Variants in COMMD10 observed in about 807,000 individuals in gnomAD.
The protein encoded by COMMD10 is COMM domain containing 10.
A neutral mutation model predicts 28.9 loss-of-function variants in COMMD10; 33 were observed. That is an observed-to-expected ratio of 1.14 (90% CI 0.87 to 1.53). COMMD10 has a LOEUF of 1.53. COMMD10 is among the 40% of genes most tolerant of loss of function. The pLI is 0.00. For synonymous variants in COMMD10, 110 were observed against 81.7 expected (o/e 1.35, Z -1.87); for missense variants, 310 against 233.4 (o/e 1.33, Z -2.14).
chr5:116,253,781 G>A (rs931896664), intron 5 of COMMD10, among the ~76,000 whole-genome samples: 37 of 148,404 alleles, frequency 2.5e-4, no homozygotes, highest in Admixed American at 6.7e-4. Flanking sequence ...GTCTTTGCCC[G>A]GCTTTGGTAT....
intron 5 of COMMD10, among the ~76,000 whole-genome samples, chr5:116,189,282 G>A (rs1166959773): frequency 1.3e-5 from 2 of 151,890 alleles, no homozygotes; most frequent in Non-Finnish European, 2.9e-5. Context: ...TCTTCTAGTG[G>A]TTTCCAACTC....
At chr5:116,130,498 G>A (rs1751829744) in intron 4 of COMMD10, among the ~76,000 whole-genome samples, 1 of 151,906 alleles carries the variant, frequency 6.6e-6, no homozygotes, top group Admixed American at 6.6e-5. Flanking sequence ...GTTAGTTGAG[G>A]CCAAAGAAAC....
chr5:116,215,298 A>G (rs907725945), intron 5 of COMMD10, among the ~76,000 whole-genome samples: 1 of 152,174 alleles, frequency 6.6e-6, no homozygotes, highest in South Asian at 2.1e-4. Flanking sequence ...GTTTATATCA[A>G]AGAAAATACT....
chr5:116,161,841 CTT>C (rs1752928710), intron 5 of COMMD10, among the ~76,000 whole-genome samples: 1 of 152,024 alleles, frequency 6.6e-6, no homozygotes, highest in Non-Finnish European at 1.5e-5. Flanking sequence ...CTTCATATAA[CTT>C]TTATGGAAAA....
intron 4 of COMMD10, among the ~76,000 whole-genome samples, chr5:116,102,063 A>C (rs963225471): frequency 2.0e-5 from 3 of 152,084 alleles, no homozygotes; most frequent in African/African-American, 7.2e-5. Flanking sequence ...TCTTAGTTTA[A>C]CTAAGTTCCA....
chr5:116,096,633 T>C (rs1750479028), intron 4 of COMMD10, among the ~76,000 whole-genome samples: 1 of 152,142 alleles, frequency 6.6e-6, no homozygotes, highest in African/African-American at 2.4e-5. Flanking sequence ...TGAATAGGAG[T>C]GGTAAGTCTG....
intron 5 of COMMD10, among the ~76,000 whole-genome samples, chr5:116,163,256 C>T (rs1478017957): frequency 2.7e-5 from 4 of 149,250 alleles, no homozygotes; most frequent in Admixed American, 1.3e-4. Context: ...AAAGTATTGG[C>T]GTTTTCTTCT....
chr5:116,190,443 CA>C (rs1376505271), intron 5 of COMMD10, among the ~76,000 whole-genome samples: 1 of 152,088 alleles, frequency 6.6e-6, no homozygotes, highest in Non-Finnish European at 1.5e-5. Context: ...CACATATGTA[CA>C]GAAATTGCTA....
intron 5 of COMMD10, among the ~76,000 whole-genome samples, chr5:116,154,359 G>C (rs1752635454): frequency 6.6e-6 from 1 of 152,100 alleles, no homozygotes; most frequent in African/African-American, 2.4e-5. Flanking sequence ...GTAGTTTATT[G>C]TTAGTGATGT....
intron 5 of COMMD10, among the ~76,000 whole-genome samples, chr5:116,288,869 T>G (rs1031227059): frequency 3.6e-5 from 5 of 137,488 alleles, no homozygotes; most frequent in African/African-American, 1.2e-4. Flanking sequence ...TGGTGTTCTC[T>G]CTCTTTTTTT....
At chr5:116,118,722 C>G (rs1422232322) in intron 4 of COMMD10, among the ~76,000 whole-genome samples, 2 of 148,116 alleles carry the variant, frequency 1.4e-5, no homozygotes, top group African/African-American at 2.4e-5. Flanking sequence ...GAAAGAATTG[C>G]TTTAGGTTGA....
intron 5 of COMMD10, among the ~76,000 whole-genome samples, chr5:116,263,120 T>C (rs544175232): frequency 6.6e-6 from 1 of 151,926 alleles, no homozygotes; most frequent in South Asian, 2.1e-4. Context: ...ATATAAGCCG[T>C]TTTTACTTAC....
Position 116,097,667 on chromosome 5 carries a change from A to G in COMMD10, c.399+4967A>G, listed in dbSNP as rs146750626. Among the ~76,000 whole-genome samples the G allele has an allele frequency of 3.7e-4, 57 of 152,194 alleles. 1 individual carries two copies. Among genetic ancestry groups the G allele is most frequent in the African/African-American group, 1.3e-3 (56 of 41,526 alleles). On this transcript the variant is annotated intron_variant, in intron 4 of 6. Coordinates refer to ENST00000274458, the MANE Select transcript of COMMD10 (RefSeq NM_016144.4). ...TAATTATATAAAGAAAAGAGGTGTA[A>G]TTTGCCCACGGTTCTGCAGGCTGTA...
chr5:116,142,090 T>C (rs10057577), intron 5 of COMMD10, among the ~76,000 whole-genome samples: 124,684 of 151,756 alleles, frequency 0.82, 51,383 homozygotes, highest in African/African-American at 0.84. Flanking sequence ...AAGATGCAGG[T>C]AATCCATTTG....
intron 5 of COMMD10, among the ~76,000 whole-genome samples, chr5:116,265,068 A>G (rs1244909081): frequency 1.3e-5 from 2 of 151,780 alleles, no homozygotes; most frequent in African/African-American, 4.9e-5. Flanking sequence ...TCATTCTATT[A>G]CAGACATTTT....
At chr5:116,182,232 T>C (rs916436626) in intron 5 of COMMD10, among the ~76,000 whole-genome samples, 2 of 152,108 alleles carry the variant, frequency 1.3e-5, no homozygotes, top group Admixed American at 1.3e-4. Context: ...ACAAAAAGTT[T>C]CTTTACTCTA....
intron 4 of COMMD10, among the ~76,000 whole-genome samples, chr5:116,128,331 T>C (rs1038672721): frequency 6.6e-6 from 1 of 152,020 alleles, no homozygotes; most frequent in Non-Finnish European, 1.5e-5. Flanking sequence ...TGGCATGGGT[T>C]GAAAACCATT....
At chr5:116,204,920 A>G (rs1035230621) in intron 5 of COMMD10, among the ~76,000 whole-genome samples, 1 of 152,132 alleles carries the variant, frequency 6.6e-6, no homozygotes, top group East Asian at 1.9e-4. Context: ...TATCTAAAGG[A>G]TATAGTCTGA....
chr5:116,280,176 G>A (rs533467234), intron 5 of COMMD10, among the ~76,000 whole-genome samples: 2 of 151,994 alleles, frequency 1.3e-5, no homozygotes, highest in South Asian at 4.1e-4. Context: ...ACATTTCGTG[G>A]TTCTACCTAC....
Sources: gnomAD v4.1 joint callset for allele counts (sites outside exome capture counted in the v4.1 genomes callset) on GRCh38, gnomAD v4.1.1 for gene constraint, MANE v1.5 for transcripts, NCBI Gene and HGNC (gene_info 2026-07-23, HGNC 2026-07-21) for gene names.